The following SPAG16 variants were observed in gnomAD, a reference collection of about 807,000 sequenced individuals.
SPAG16 encodes sperm-associated antigen 16 protein.
Under a neutral mutation model 80.4 loss-of-function variants are expected in SPAG16, and 86 were observed. The observed-to-expected ratio is 1.07, with a 90% CI of 0.90 to 1.28. The LOEUF is 1.28. Among genes scored for constraint, SPAG16 ranks in the 50% most tolerant of loss-of-function variants. The pLI is 0.00. For synonymous variants in SPAG16, 294 were observed against 265.9 expected (o/e 1.11, Z -1.03); for missense variants, 870 against 765.3 (o/e 1.14, Z -1.61).
chr2:214,038,841 C>G (rs542060085), intron 13 of SPAG16, among the ~76,000 whole-genome samples: 82 of 152,220 alleles, frequency 5.4e-4, no homozygotes, highest in African/African-American at 2.0e-3. Flanking sequence ...TGGTTTCCAG[C>G]TTCATCCATG....
intron 15 of SPAG16, among the ~76,000 whole-genome samples, chr2:214,375,599 A>G (rs564365000): frequency 2.0e-5 from 3 of 152,282 alleles, no homozygotes; most frequent in Admixed American, 6.5e-5. Context: ...CTGTGCAGCA[A>G]TACTGTTCCT....
intron 10 of SPAG16, among the ~76,000 whole-genome samples, chr2:213,802,640 C>T (rs2071489873): frequency 6.6e-6 from 1 of 151,942 alleles, no homozygotes; most frequent in Non-Finnish European, 1.5e-5. Flanking sequence ...CCAAATGAAC[C>T]AACATCTGAT....
At chr2:214,000,636 G>A (rs1323403188) in intron 12 of SPAG16, among the ~76,000 whole-genome samples, 1 of 152,174 alleles carries the variant, frequency 6.6e-6, no homozygotes, top group African/African-American at 2.4e-5. Flanking sequence ...ACACAGGGCT[G>A]ACAAGTGTAA....
At chr2:214,158,484 A>C (rs2056308146) in intron 15 of SPAG16, among the ~76,000 whole-genome samples, 1 of 151,794 alleles carries the variant, frequency 6.6e-6, no homozygotes, top group South Asian at 2.1e-4. Context: ...AATTTTGAAC[A>C]AAAAAAATGC....
At chr2:213,361,307 A>G (rs1030868539) in intron 7 of SPAG16, among the ~76,000 whole-genome samples, 3 of 151,790 alleles carry the variant, frequency 2.0e-5, no homozygotes, top group Non-Finnish European at 4.4e-5. Flanking sequence ...ATCTATGTAT[A>G]CTAAATTATA....
At chr2:213,954,585 T>A (rs1351134381) in intron 12 of SPAG16, among the ~76,000 whole-genome samples, 1 of 152,134 alleles carries the variant, frequency 6.6e-6, no homozygotes, top group Non-Finnish European at 1.5e-5. Context: ...GTCATGGTGG[T>A]TTGCTGCACC....
intron 15 of SPAG16, among the ~76,000 whole-genome samples, chr2:214,276,803 T>C (rs887975613): frequency 3.9e-5 from 6 of 152,178 alleles, no homozygotes; most frequent in African/African-American, 1.4e-4. Context: ...ATCTTTGTGG[T>C]GTTCTCTTTA....
intron 13 of SPAG16, among the ~76,000 whole-genome samples, chr2:214,087,689 A>G (rs1207643097): frequency 6.6e-6 from 1 of 152,186 alleles, no homozygotes; most frequent in Non-Finnish European, 1.5e-5. Context: ...AGCAGGAATT[A>G]ACCAGGGAAT....
intron 12 of SPAG16, among the ~76,000 whole-genome samples, chr2:213,938,236 A>C (rs182477093): frequency 2.0e-5 from 3 of 152,126 alleles, no homozygotes; most frequent in African/African-American, 7.2e-5. Flanking sequence ...TCAATGCATA[A>C]GTCTTAGTCC....
chr2:213,748,924 G>A (rs1329722238), intron 10 of SPAG16, among the ~76,000 whole-genome samples: 5 of 152,126 alleles, frequency 3.3e-5, no homozygotes, highest in Non-Finnish European at 7.4e-5. Flanking sequence ...CTAGGCAGGG[G>A]GATCATGAGG....
chr2:213,804,539 T>C (rs1281975466), intron 10 of SPAG16, among the ~76,000 whole-genome samples: 2 of 151,978 alleles, frequency 1.3e-5, no homozygotes, highest in African/African-American at 2.4e-5. Context: ...AAAAATTAGT[T>C]GGGCGTGGTG....
At chr2:213,761,817 G>C (rs916108289) in intron 10 of SPAG16, among the ~76,000 whole-genome samples, 1 of 152,114 alleles carries the variant, frequency 6.6e-6, no homozygotes, top group African/African-American at 2.4e-5. Flanking sequence ...AGTGAGCCGA[G>C]ATCGTGCCAC....
chr2:214,091,485 G>T (rs558646896), intron 13 of SPAG16, among the ~76,000 whole-genome samples: 1 of 152,210 alleles, frequency 6.6e-6, no homozygotes, highest in South Asian at 2.1e-4. Context: ...CTAACTTGCT[G>T]TATATACCTG....
intron 12 of SPAG16, among the ~76,000 whole-genome samples, chr2:214,008,115 C>T (rs1022372404): frequency 2.0e-5 from 3 of 151,796 alleles, no homozygotes; most frequent in Non-Finnish European, 4.4e-5. Context: ...AATCTCTTTT[C>T]ATTCTCACTA....
At chr2:213,543,035 G>A (rs545490777) in intron 10 of SPAG16, among the ~76,000 whole-genome samples, 1 of 152,172 alleles carries the variant, frequency 6.6e-6, no homozygotes, top group Admixed American at 6.5e-5. Flanking sequence ...ACAAAAATGA[G>A]TGATGGTTCA....
At chr2:213,523,939 T>C (rs2075784835) in intron 10 of SPAG16, among the ~76,000 whole-genome samples, 1 of 152,200 alleles carries the variant, frequency 6.6e-6, no homozygotes, top group Admixed American at 6.5e-5. Flanking sequence ...CCCCATTTTC[T>C]GGGGAGAAAT....
intron 9 of SPAG16, among the ~76,000 whole-genome samples, chr2:213,463,297 T>A (rs934330266): frequency 2.0e-5 from 3 of 152,206 alleles, no homozygotes; most frequent in Non-Finnish European, 4.4e-5. Context: ...AAAAACCTAT[T>A]TTCTGGGGAG....
intron 9 of SPAG16, among the ~76,000 whole-genome samples, chr2:213,462,640 C>T (rs1363928792): frequency 6.6e-6 from 1 of 152,180 alleles, no homozygotes; most frequent in Non-Finnish European, 1.5e-5. Flanking sequence ...AAGCATCTGA[C>T]ATTTCCCCTG....
intron 9 of SPAG16, among the ~76,000 whole-genome samples, chr2:213,431,899 T>C (rs561677887): frequency 3.4e-5 from 5 of 145,170 alleles, no homozygotes; most frequent in Admixed American, 3.4e-4. Flanking sequence ...TTATCAAGTG[T>C]CTTCTCTAAC....
Sources: gnomAD v4.1 joint callset for allele counts (sites outside exome capture counted in the v4.1 genomes callset) on GRCh38, gnomAD v4.1.1 for gene constraint, MANE v1.5 for transcripts, NCBI Gene and HGNC (gene_info 2026-07-23, HGNC 2026-07-21) for gene names.